MARK2: variants seen among roughly 807,000 people sequenced by gnomAD.
MARK2 encodes serine/threonine-protein kinase MARK2.
MARK2 carries 16 observed loss-of-function variants against 89.8 expected under a neutral mutation model. The observed-to-expected ratio is 0.18, with a 90% CI of 0.12 to 0.27. The LOEUF (loss-of-function observed/expected upper bound fraction) is 0.27. MARK2 is among the 10% of genes least tolerant of loss of function. MARK2 has a pLI of 1.00. For missense variants in MARK2, 621 were observed against 1,049.9 expected (o/e 0.59, Z 5.65); for synonymous variants, 382 against 399.5 (o/e 0.96, Z 0.52).
chr11:63,861,225 G>A (rs976830373), intron 1 of MARK2, among the ~76,000 whole-genome samples: 1 of 152,140 alleles, frequency 6.6e-6, no homozygotes, highest in Non-Finnish European at 1.5e-5. Flanking sequence ...CACGAGGTCA[G>A]GAGTTCAAGA....
At chr11:63,886,324 CTGTTGCCCAGGCT>C (rs1427084261) in intron 1 of MARK2, among the ~76,000 whole-genome samples, 1 of 152,106 alleles carries the variant, frequency 6.6e-6, no homozygotes, top group Non-Finnish European at 1.5e-5. Flanking sequence ...GGGTCTCACT[CTGTTGCCCAGGCT>C]TGTCTCGAAT....
chr11:63,901,473 C>CTTTTTTTTTTTTTTTTTTTTTT (rs35231498), intron 11 of MARK2, among the ~76,000 whole-genome samples: 1 of 57,696 alleles, frequency 1.7e-5, no homozygotes, highest in African/African-American at 8.0e-5. Flanking sequence ...GAGTCTGTTG[C>CTTTTTTTTTTTTTTTTTTTTTT]TTTTTTTTTT....
In MARK2 at chr11:63,839,285, T is replaced by A. The variant is rs898344759; in HGVS notation, c.-222T>A. The stretch of plus-strand genomic sequence containing the variant: ...AAAGGCGGCACAGCCCAGCCGGGGG[T>A]CGGGGGGGTGCGGTCCGGAGCCGCT... On this transcript the variant is annotated 5_prime_UTR_variant, in exon 1 of 19. Coordinates refer to ENST00000402010, the MANE Select transcript of MARK2 (RefSeq NM_001039469.3). 3.2e-6 allele frequency: 1 copy of A among 310,086 alleles called. No individual in the cohort carries two copies. Among genetic ancestry groups the A allele is most frequent in the Non-Finnish European group, 5.8e-6 (1 of 172,510 alleles). The allele number at this position is 310,086 out of a possible 1,614,324, so 19.2% of individuals were successfully genotyped here. A position where few individuals can be genotyped will look rare whatever the true frequency, so the allele number is the denominator to read the frequency against.
chr11:63,903,972 C>CT lies in MARK2; in HGVS notation c.1515-10dup. The CT allele has an allele frequency of 6.3e-7, 1 of 1,593,050 alleles. No individual in the cohort carries two copies. Among genetic ancestry groups the CT allele is most frequent in the Non-Finnish European group, 8.6e-7 (1 of 1,168,598 alleles). The stretch of plus-strand genomic sequence containing the variant: ...ACCCCTAACACGGGCCTCTCCGCTG[C>CT]TTTTGTTTCCTAGCCTAACCATGCC... On this transcript the variant is annotated splice_polypyrimidine_tract_variant and intron_variant, in intron 14 of 18. Coordinates refer to ENST00000402010, the MANE Select transcript of MARK2 (RefSeq NM_001039469.3). The surrounding 1 kb of genome is among the most constrained non-coding windows in gnomAD (Gnocchi z 5.1).
intron 1 of MARK2, among the ~76,000 whole-genome samples, chr11:63,860,087 A>G (rs910311106): frequency 9.2e-5 from 14 of 152,338 alleles, no homozygotes; most frequent in African/African-American, 3.1e-4. Flanking sequence ...GGAAAATTGT[A>G]GTAGTATATA....
intron 1 of MARK2, among the ~76,000 whole-genome samples, chr11:63,864,053 A>G (rs375913958): frequency 6.6e-6 from 1 of 151,900 alleles, no homozygotes; most frequent in East Asian, 1.9e-4. Context: ...TCCTGGATTC[A>G]TGACATTCTC....
intron 3 of MARK2, 25 bp downstream of exon 3, chr11:63,895,658 CTTTTTT>C: frequency 1.8e-4 from 206 of 1,160,990 alleles, no homozygotes; most frequent in African/African-American, 7.2e-4. Flanking sequence ...CCTCCTGTCC[CTTTTTT>C]TTTTTTTTTT....
chr11:63,898,412 C>A, intron 4 of MARK2, 132 bp downstream of exon 4: 3 of 1,003,458 alleles, frequency 3.0e-6, no homozygotes, highest in Non-Finnish European at 4.7e-6. Context: ...GGAAGCTCAG[C>A]TCAAAATCCA....
At chr11:63,850,039 A>T (rs1294490161) in intron 1 of MARK2, 1 of 152,238 alleles carries the variant, frequency 6.6e-6, no homozygotes, top group African/African-American at 2.4e-5. Context: ...GGTCAGTATA[A>T]GGGGTGATGT....
At chr11:63,893,218 T>G (rs1199850458) in intron 1 of MARK2, among the ~76,000 whole-genome samples, 1 of 149,680 alleles carries the variant, frequency 6.7e-6, no homozygotes, top group Non-Finnish European at 1.5e-5. Context: ...AGAGTCTCCC[T>G]ATGTTGCCCA....
chr11:63,883,343 A>G (rs999058011), intron 1 of MARK2, among the ~76,000 whole-genome samples: 2 of 152,150 alleles, frequency 1.3e-5, no homozygotes, highest in African/African-American at 2.4e-5. Flanking sequence ...TTGCCCAGCC[A>G]TGGCAGAATT....
chr11:63,901,747 G>A (rs1940910214), intron 11 of MARK2, among the ~76,000 whole-genome samples: 1 of 150,550 alleles, frequency 6.6e-6, no homozygotes, highest in African/African-American at 2.5e-5. Flanking sequence ...CCCGTCTGTG[G>A]ATCTGGAGAC....
intron 1 of MARK2, among the ~76,000 whole-genome samples, chr11:63,884,629 G>A (rs1939287684): frequency 1.3e-5 from 2 of 152,208 alleles, no homozygotes; most frequent in Admixed American, 1.3e-4. Flanking sequence ...ATCTACAATG[G>A]GACAGTAAAG....
At chr11:63,850,342 G>GTTTTTTTTTAT (rs1382022541) in intron 1 of MARK2, among the ~76,000 whole-genome samples, 1 of 120,746 alleles carries the variant, frequency 8.3e-6, no homozygotes, top group African/African-American at 3.1e-5. Context: ...TTTTTTTTTG[G>GTTTTTTTTTAT]ATTTTTAGTA....
At chr11:63,852,133 G>C (rs745586577) in intron 1 of MARK2, among the ~76,000 whole-genome samples, 5 of 152,124 alleles carry the variant, frequency 3.3e-5, no homozygotes, top group Non-Finnish European at 7.4e-5. Context: ...AATGATGTGT[G>C]GTAACATCAC....
At position 63,903,311 on chromosome 11, in the gene MARK2, C is replaced by A. The variant is rs532272963; in HGVS notation, c.1514+153C>A. The stretch of plus-strand genomic sequence containing the variant: ...CTGTGTCCAGTCCAGCTTTCCCCTC[C>A]CCTATTCCACGCCATTGCCTCCTCC... On this transcript the variant is annotated intron_variant, in intron 14 of 18. Transcript: ENST00000402010. The surrounding 1 kb of genome is among the most constrained non-coding windows in gnomAD (Gnocchi z 5.1). The A allele has an allele frequency of 5.9e-5, 38 of 642,652 alleles. 1 individual carries two copies. In the East Asian group the frequency reaches 8.5e-4, roughly 14 times the overall value. The allele number at this position is 642,652 out of a possible 1,614,324, so 39.8% of individuals were successfully genotyped here. A position where few individuals can be genotyped will look rare whatever the true frequency, so the allele number is the denominator to read the frequency against.
chr11:63,879,444 C>A (rs1243224171), intron 1 of MARK2, among the ~76,000 whole-genome samples: 2 of 152,024 alleles, frequency 1.3e-5, no homozygotes, highest in Non-Finnish European at 2.9e-5. Context: ...AGAGAGCTAC[C>A]CTTGTCTTCT....
In MARK2 at chr11:63,900,579, G is replaced by C; in HGVS notation, c.789G>C (p.Leu263=). 1.2e-6 allele frequency: 2 copies of C among 1,614,132 alleles called. No individual in the cohort carries two copies. Among genetic ancestry groups the C allele is most frequent in the South Asian group, 2.2e-5 (2 of 91,070 alleles). The part of the protein sequence containing the change: ...QNLKELRERV[L]RGKYRIPFYM... ...TGCAGGAGCTGCGGGAACGGGTACTGAGGGGAAAATACCGTATTCCATTCT... is the reference window on the plus strand; with the variant it reads ...TGCAGGAGCTGCGGGAACGGGTACTCAGGGGAAAATACCGTATTCCATTCT... Residue 263 remains leucine, a synonymous_variant, in exon 9 of 19, where the codon CTG becomes CTC. Transcript: ENST00000402010. This position sits in a 1 kb window ranked among gnomAD's most constrained non-coding sequence, Gnocchi z 4.7.
At chr11:63,892,904 ATTT>A (rs896527484) in intron 1 of MARK2, among the ~76,000 whole-genome samples, 2 of 114,684 alleles carry the variant, frequency 1.7e-5, no homozygotes, top group Admixed American at 8.7e-5. Flanking sequence ...TGATTTCTTA[ATTT>A]TTTTTTTTTT....
Sources: gnomAD v4.1 joint callset for allele counts (sites outside exome capture counted in the v4.1 genomes callset) on GRCh38, gnomAD v4.1.1 for gene constraint, Gnocchi (gnomAD v3.1) non-coding constraint, MANE v1.5 for transcripts, NCBI Gene and HGNC (gene_info 2026-07-23, HGNC 2026-07-21) for gene names.